The following TMEM178B variants were observed in gnomAD, a reference collection of about 807,000 sequenced individuals.
The protein encoded by TMEM178B is transmembrane protein 178B.
A neutral mutation model predicts 31.0 loss-of-function variants in TMEM178B; 5 were observed. That is an observed-to-expected ratio of 0.16 (90% confidence interval 0.08 to 0.34). The LOEUF (loss-of-function observed/expected upper bound fraction) is 0.34. Among genes scored for constraint, TMEM178B ranks in the 10% least tolerant of loss-of-function variants. The pLI is 1.00. For synonymous variants in TMEM178B, 164 were observed against 164.0 expected (o/e 1.00, Z 0.00); for missense variants, 275 against 400.3 (o/e 0.69, Z 2.67).
chr7:141,101,652 A>AACT (rs1795059012), intron 1 of TMEM178B, among the ~76,000 whole-genome samples: 1 of 152,374 alleles, frequency 6.6e-6, no homozygotes, highest in African/African-American at 2.4e-5. Flanking sequence ...GATAACAGAT[A>AACT]ACTATCTATA....
chr7:141,351,979 G>A (rs919270680), intron 2 of TMEM178B: 6 of 152,692 alleles, frequency 3.9e-5, no homozygotes, highest in African/African-American at 1.4e-4. Flanking sequence ...CCACCACGAT[G>A]CCAGAGAGCT....
At chr7:141,341,259 A>C (rs1799511371) in intron 2 of TMEM178B, among the ~76,000 whole-genome samples, 1 of 152,224 alleles carries the variant, frequency 6.6e-6, no homozygotes, top group Non-Finnish European at 1.5e-5. Context: ...CTAAGGATTC[A>C]AAAACAAAAC....
intron 2 of TMEM178B, among the ~76,000 whole-genome samples, chr7:141,256,127 A>T (rs898332024): frequency 6.6e-6 from 1 of 152,136 alleles, no homozygotes; most frequent in Non-Finnish European, 1.5e-5. Flanking sequence ...GTGAATATTT[A>T]AGGAGCACCT....
chr7:141,293,188 G>A (rs761438317), intron 2 of TMEM178B, among the ~76,000 whole-genome samples: 1 of 152,154 alleles, frequency 6.6e-6, no homozygotes, highest in Non-Finnish European at 1.5e-5. Flanking sequence ...TGGCCTCAAA[G>A]ATACAAGACC....
rs555798690 is a variant in TMEM178B, at chr7:141,381,476, CTTTTTCTTTCCTGAGCTCCAAAT to C, written c.497-56131_497-56109del. On this transcript the variant is annotated intron_variant, in intron 2 of 3. Coordinates refer to ENST00000565468, the MANE Select transcript of TMEM178B (RefSeq NM_001195278.2). ...GCAGTGTTTGTTTTTTATATTTCTT[CTTTTTCTTTCCTGAGCTCCAAAT>C]ACTTCTGTCTAAATGTCATTATTTC... is the stretch of plus-strand genomic sequence containing the variant. Among the ~76,000 whole-genome samples the C allele has an allele frequency of 5.1e-4, 77 of 152,254 alleles. No homozygotes were observed. The East Asian group carries it at 6.6e-3, about 13-fold the overall frequency.
chr7:141,340,272 C>A (rs1799493855), intron 2 of TMEM178B, among the ~76,000 whole-genome samples: 1 of 152,138 alleles, frequency 6.6e-6, no homozygotes, highest in Non-Finnish European at 1.5e-5. Context: ...CCAGTGAAAC[C>A]CATTTTGGAC....
At chr7:141,183,620 CCTT>C (rs1796564308) in intron 1 of TMEM178B, among the ~76,000 whole-genome samples, 1 of 152,166 alleles carries the variant, frequency 6.6e-6, no homozygotes, top group Admixed American at 6.5e-5. Context: ...CTTCTCTCCT[CCTT>C]CTTCTCATCT....
intron 2 of TMEM178B, among the ~76,000 whole-genome samples, chr7:141,249,671 C>T (rs1286290706): frequency 6.6e-6 from 1 of 152,126 alleles, no homozygotes; most frequent in East Asian, 1.9e-4. Flanking sequence ...TGTGCCTGGC[C>T]AAGGGTGGAG....
At chr7:141,386,028 T>C (rs753108886) in intron 2 of TMEM178B, among the ~76,000 whole-genome samples, 10 of 152,180 alleles carry the variant, frequency 6.6e-5, no homozygotes, top group African/African-American at 9.7e-5. Flanking sequence ...GCTACAATAT[T>C]CCTCTACCTT....
At chr7:141,508,659 G>A in the TMEM178B span, among the ~76,000 whole-genome samples, 1 of 152,206 alleles carries the variant, frequency 6.6e-6, no homozygotes, top group Admixed American at 6.5e-5. Context: ...GAGGCGAAAG[G>A]CACTTCTTAC....
chr7:141,282,897 G>A (rs1586869129), intron 2 of TMEM178B, among the ~76,000 whole-genome samples: 1 of 152,198 alleles, frequency 6.6e-6, no homozygotes, highest in Non-Finnish European at 1.5e-5. Flanking sequence ...AAAATTCTAG[G>A]TATAATGATA....
chr7:141,134,800 T>A (rs1795648430), intron 1 of TMEM178B, among the ~76,000 whole-genome samples: 1 of 152,200 alleles, frequency 6.6e-6, no homozygotes, highest in Non-Finnish European at 1.5e-5. Context: ...TAAAGACACA[T>A]ATAGACTAAA....
chr7:141,459,043 T>C (rs1428169770), intron 3 of TMEM178B, among the ~76,000 whole-genome samples: 1 of 151,764 alleles, frequency 6.6e-6, no homozygotes, highest in Non-Finnish European at 1.5e-5. Flanking sequence ...TTTGTTTGTT[T>C]TTTGAGACAG....
intron 2 of TMEM178B, among the ~76,000 whole-genome samples, chr7:141,421,436 G>A (rs1400938759): frequency 6.6e-6 from 1 of 152,082 alleles, no homozygotes; most frequent in Non-Finnish European, 1.5e-5. Context: ...TGGCATTTGT[G>A]GTAGCACTTT....
intron 1 of TMEM178B, among the ~76,000 whole-genome samples, chr7:141,181,403 G>A (rs542093149): frequency 6.6e-6 from 1 of 152,236 alleles, no homozygotes; most frequent in South Asian, 2.1e-4. Flanking sequence ...CTAAGGAGAG[G>A]CTCAGTGTAG....
chr7:141,296,777 C>T (rs537691278), intron 2 of TMEM178B, among the ~76,000 whole-genome samples: 4 of 152,306 alleles, frequency 2.6e-5, no homozygotes, highest in African/African-American at 4.8e-5. Flanking sequence ...TCTGTTTAGG[C>T]GTGTTTTCTC....
chr7:141,385,079 C>T (rs905850282), intron 2 of TMEM178B, among the ~76,000 whole-genome samples: 1 of 152,188 alleles, frequency 6.6e-6, no homozygotes, highest in Non-Finnish European at 1.5e-5. Context: ...AAACATTCTT[C>T]GCTCCAACTA....
chr7:141,462,146 A>G (rs1399461724), intron 3 of TMEM178B, among the ~76,000 whole-genome samples: 9 of 152,294 alleles, frequency 5.9e-5, no homozygotes, highest in South Asian at 4.1e-4. Context: ...AGGGTAGCCA[A>G]TTGGACTCTC....
chr7:141,462,301 G>T (rs562671160), intron 3 of TMEM178B, among the ~76,000 whole-genome samples: 3 of 152,188 alleles, frequency 2.0e-5, no homozygotes, highest in Non-Finnish European at 4.4e-5. Flanking sequence ...GGAACTTACG[G>T]AAATTTGGGC....
Sources: allele counts gnomAD v4.1 joint callset (sites outside exome capture counted in the v4.1 genomes callset), GRCh38; gene constraint gnomAD v4.1.1; transcripts MANE v1.5; gene names NCBI Gene and HGNC (gene_info 2026-07-23, HGNC 2026-07-21).